Variants in CMIP observed in about 807,000 individuals in gnomAD.
The protein encoded by CMIP is C-Maf-inducing protein.
A neutral mutation model predicts 97.3 loss-of-function variants in CMIP; 13 were observed. That is an observed-to-expected ratio of 0.13 (90% CI 0.09 to 0.21). The LOEUF (loss-of-function observed/expected upper bound fraction) is 0.21, where lower values mean the gene tolerates loss of function less well. CMIP is among the 10% of genes least tolerant of loss of function. The pLI, the probability that CMIP is intolerant of heterozygous loss-of-function variation, is 1.00. For missense variants in CMIP, 847 were observed against 1,024.9 expected, an observed-to-expected ratio of 0.83 and a Z score of 2.37; for synonymous variants, 538 against 436.3, an observed-to-expected ratio of 1.23 and a Z score of -2.91.
At chr16:81,464,957 G>T (rs750331381) in intron 1 of CMIP, 4 of 152,078 alleles carry the variant, frequency 2.6e-5, no homozygotes, top group Non-Finnish European at 4.4e-5. Context: ...TCCATTCTTC[G>T]GTCGACAGAC....
At chr16:81,601,638 C>A (rs6564896) in intron 1 of CMIP, among the ~76,000 whole-genome samples, 9,194 of 152,190 alleles carry the variant, frequency 0.06, 333 homozygotes, top group East Asian at 0.17. Flanking sequence ...CCTGGTCTGG[C>A]AAATGCAGGA....
At chr16:81,658,235 A>G (rs776627893) in intron 5 of CMIP, among the ~76,000 whole-genome samples, 3 of 152,240 alleles carry the variant, frequency 2.0e-5, no homozygotes, top group Non-Finnish European at 2.9e-5. Context: ...CCTGTGATAC[A>G]TAAAGTGAGA....
chr16:81,695,383 C>A (rs1906594039), intron 13 of CMIP: 1 of 152,354 alleles, frequency 6.6e-6, no homozygotes, highest in East Asian at 1.9e-4. Flanking sequence ...GATAAGGGAA[C>A]CCTTGATATT....
intron 7 of CMIP, among the ~76,000 whole-genome samples, chr16:81,667,766 A>AAGAGAGAGAGAGAGAGAGAGAG (rs59388984): frequency 1.2e-5 from 1 of 85,208 alleles, no homozygotes; most frequent in African/African-American, 4.8e-5. Context: ...GAGGGAGAGA[A>AAGAGAGAGAGAGAGAGAGAGAG]AGAGAGAGAG....
intron 1 of CMIP, among the ~76,000 whole-genome samples, chr16:81,599,059 T>G (rs1309684354): frequency 6.7e-6 from 1 of 149,810 alleles, no homozygotes; most frequent in African/African-American, 2.5e-5. Context: ...AAAGAACTGG[T>G]CAGTCGGCGT....
intron 5 of CMIP, among the ~76,000 whole-genome samples, chr16:81,660,359 G>A (rs1046804601): frequency 6.6e-6 from 1 of 150,994 alleles, no homozygotes; most frequent in African/African-American, 2.4e-5. Flanking sequence ...CTGCAACTCC[G>A]CCTCCTAAGT....
At chr16:81,521,959 C>G (rs745369489) in intron 1 of CMIP, among the ~76,000 whole-genome samples, 1 of 152,158 alleles carries the variant, frequency 6.6e-6, no homozygotes, top group African/African-American at 2.4e-5. Flanking sequence ...AATATTGTTT[C>G]CTTTTTATCC....
chr16:81,555,966 T>C (rs1244783231), intron 1 of CMIP, among the ~76,000 whole-genome samples: 1 of 152,174 alleles, frequency 6.6e-6, no homozygotes, highest in Non-Finnish European at 1.5e-5. Context: ...AAGTGTGCAA[T>C]TAATAGGAGC....
chr16:81,456,918 G>A (rs1039640936), intron 1 of CMIP, among the ~76,000 whole-genome samples: 3 of 152,170 alleles, frequency 2.0e-5, no homozygotes, highest in Admixed American at 6.5e-5. Flanking sequence ...ACCCATCTCC[G>A]GAGGAGCCGT....
chr16:81,669,806 C>T (rs781584401), intron 7 of CMIP, among the ~76,000 whole-genome samples: 6 of 152,320 alleles, frequency 3.9e-5, no homozygotes, highest in South Asian at 2.1e-4. Flanking sequence ...ACATTCCCCT[C>T]GGAAGCACCC....
intron 1 of CMIP, among the ~76,000 whole-genome samples, chr16:81,475,167 T>A (rs1050534982): frequency 1.3e-5 from 2 of 152,246 alleles, no homozygotes; most frequent in African/African-American, 2.4e-5. Flanking sequence ...CTCCCTCCTG[T>A]CTCTTTCTCT....
chr16:81,477,617 G>A (rs1172601117), intron 1 of CMIP, among the ~76,000 whole-genome samples: 3 of 152,212 alleles, frequency 2.0e-5, no homozygotes, highest in African/African-American at 7.2e-5. Context: ...AAGACTCCGG[G>A]ATCATATAAT....
At chr16:81,498,345 C>T (rs369981898) in intron 1 of CMIP, among the ~76,000 whole-genome samples, 22 of 152,316 alleles carry the variant, frequency 1.4e-4, no homozygotes, top group Admixed American at 2.6e-4. Flanking sequence ...TTCCTGAGGA[C>T]GGTCCAGTGC....
chr16:81,629,641 G>C (rs557292794), intron 3 of CMIP, among the ~76,000 whole-genome samples: 1 of 152,304 alleles, frequency 6.6e-6, no homozygotes, highest in African/African-American at 2.4e-5. Context: ...GTTCTCCTCC[G>C]AGGCTGCGTC....
At chr16:81,599,249 T>G (rs8044988) in intron 1 of CMIP, among the ~76,000 whole-genome samples, 7 of 151,766 alleles carry the variant, frequency 4.6e-5, no homozygotes, top group African/African-American at 1.7e-4. Context: ...GGAGAGGTCA[T>G]ATTACCTGAG....
At chr16:81,574,729 G>T (rs2091159252) in intron 1 of CMIP, among the ~76,000 whole-genome samples, 1 of 152,146 alleles carries the variant, frequency 6.6e-6, no homozygotes, top group Admixed American at 6.5e-5. Context: ...TACAGTGGTG[G>T]CCTCTGTGGA....
At chr16:81,485,937 G>A (rs2089307292) in intron 1 of CMIP, among the ~76,000 whole-genome samples, 1 of 152,290 alleles carries the variant, frequency 6.6e-6, no homozygotes, top group South Asian at 2.1e-4. Flanking sequence ...CCACTTCCCC[G>A]AATGAGTCAC....
At chr16:81,626,775 CAGAGAG>C (rs141984782) in intron 3 of CMIP, among the ~76,000 whole-genome samples, 68 of 110,192 alleles carry the variant, frequency 6.2e-4, no homozygotes, top group African/African-American at 2.5e-3. Context: ...TGTGGAGTGA[CAGAGAG>C]AGAGAGAGTG....
intron 3 of CMIP, among the ~76,000 whole-genome samples, chr16:81,632,208 C>G (rs890464977): frequency 1.3e-5 from 2 of 152,128 alleles, no homozygotes; most frequent in Non-Finnish European, 2.9e-5. Flanking sequence ...GCCAGATATC[C>G]CCTGCGAACA....
Sources: gnomAD v4.1 joint callset for allele counts (sites outside exome capture counted in the v4.1 genomes callset) on GRCh38, gnomAD v4.1.1 for gene constraint, MANE v1.5 for transcripts, NCBI Gene and HGNC (gene_info 2026-07-23, HGNC 2026-07-21) for gene names.